Variants in RERE observed in about 807,000 individuals in gnomAD.
RERE encodes arginine-glutamic acid dipeptide repeats protein.
In RERE, 40 loss-of-function variants were observed where a neutral mutation model predicts 146.1. That is an observed-to-expected ratio of 0.27 (90% CI 0.21 to 0.36). The LOEUF is 0.36. RERE is among the 10% of genes least tolerant of loss of function. The pLI is 1.00. For missense variants in RERE, 1,933 were observed against 2,138.7 expected (o/e 0.90, Z 1.90); for synonymous variants, 1,003 against 866.0 (o/e 1.16, Z -2.78).
At chr1:8,467,477 C>G (rs904921882) in intron 10 of RERE, among the ~76,000 whole-genome samples, 6 of 152,172 alleles carry the variant, frequency 3.9e-5, no homozygotes, top group Non-Finnish European at 5.9e-5. Flanking sequence ...CATGCAGATG[C>G]CTTCCTGGCA....
At chr1:8,432,044 T>A (rs1362445028) in intron 11 of RERE, among the ~76,000 whole-genome samples, 1 of 152,194 alleles carries the variant, frequency 6.6e-6, no homozygotes, top group African/African-American at 2.4e-5. Flanking sequence ...TGCACTGGTC[T>A]CCTCCCTGGC....
chr1:8,649,073 T>G (rs967174147), intron 2 of RERE, among the ~76,000 whole-genome samples: 2 of 151,718 alleles, frequency 1.3e-5, no homozygotes, highest in Admixed American at 1.3e-4. Context: ...CTGAAAACAG[T>G]AGAAAGAAAT....
intron 7 of RERE, among the ~76,000 whole-genome samples, chr1:8,517,711 CA>C (rs973481668): frequency 2.6e-5 from 4 of 151,912 alleles, no homozygotes; most frequent in Non-Finnish European, 5.9e-5. Flanking sequence ...AAATCTGATA[CA>C]AAAAAACCCC....
At chr1:8,793,345 T>C (rs1641403846) in intron 1 of RERE, among the ~76,000 whole-genome samples, 1 of 152,156 alleles carries the variant, frequency 6.6e-6, no homozygotes, top group South Asian at 2.1e-4. Context: ...CAGCATGTGA[T>C]ACTCTCCAAG....
At chr1:8,679,186 A>C (rs552988408) in intron 1 of RERE, among the ~76,000 whole-genome samples, 232 of 152,308 alleles carry the variant, frequency 1.5e-3, no homozygotes, top group African/African-American at 5.3e-3. Flanking sequence ...ACTCTCTTTT[A>C]ATCAACTCTA....
rs535062332 is a variant in RERE at position 8,388,609 on chromosome 1, G to A, written c.1285-22635C>T. Among the ~76,000 whole-genome samples the A allele has an allele frequency of 9.2e-5, 14 of 152,292 alleles. No homozygotes were observed. In the East Asian group the frequency reaches 1.4e-3, roughly 15 times the overall value. On this transcript the variant is annotated intron_variant, in intron 12 of 22. Coordinates refer to ENST00000400908, the MANE Select transcript of RERE (RefSeq NM_001042681.2). ...GCTGGGATTACAGGCGTGAGCCACC[G>A]CGCCCGGCCCAGTCTGTGCAATCTT...
chr1:8,656,138 C>T lies in RERE; in HGVS notation c.160G>A (p.Asp54Asn), dbSNP rs1401058740. The change falls in exon 2 of 23, where the codon GAT (aspartate) becomes AAT (asparagine). Residue 54 changes from aspartate to asparagine, a missense_variant. By Grantham distance (23) the Asp-to-Asn change is conservative (BLOSUM62 1). Transcript: ENST00000400908. ...TCATTGTCCTCGTCTTCACTGTGAT[C>T]ACTCTCAGCATAATTTTTGGCTCCT... Reference protein sequence around the residue: ...EGGAKNYAESDHSEDEDNDNN... With the variant: ...EGGAKNYAESNHSEDEDNDNN... 1.2e-5 allele frequency: 20 copies of T among 1,613,930 alleles called. No individual in the cohort carries two copies. The highest frequency in any genetic ancestry group is 1.4e-5 in the Non-Finnish European group (17 of 1,179,942).
rs1012577501 is a variant in RERE at position 8,647,491 on chromosome 1, T to C, written c.325+8482A>G. On this transcript the variant is annotated intron_variant, in intron 2 of 22. Coordinates refer to ENST00000400908, the MANE Select transcript of RERE (RefSeq NM_001042681.2). ...ATGTTACACAAAAATATTCTTGCCA[T>C]TATCAATAAAACTACCCCACCACAA... 5.9e-5 allele frequency among the ~76,000 whole-genome samples: 9 copies of C among 152,204 alleles called. No individual in the cohort carries two copies. The East Asian group carries it at 1.5e-3, about 26-fold the overall frequency.
intron 12 of RERE, among the ~76,000 whole-genome samples, chr1:8,408,829 G>C (rs564870212): frequency 2.7e-4 from 41 of 152,298 alleles, no homozygotes; most frequent in Admixed American, 2.2e-3. Flanking sequence ...CTGCGGGGAG[G>C]TGGAGGCTGG....
chr1:8,509,849 T>C (rs1337720470), intron 7 of RERE, among the ~76,000 whole-genome samples: 2 of 152,210 alleles, frequency 1.3e-5, no homozygotes, highest in African/African-American at 4.8e-5. Context: ...AGGAGGCACA[T>C]GCTCTTGTTT....
In RERE at chr1:8,364,286, T is replaced by G. The variant is rs752736619; in HGVS notation, c.1541-31A>C. ...TGAGGGAAGTGGTGGGGGCCAACCT[T>G]GGAAACCATCCCTCTCCCTGGGGAT... is the stretch of plus-strand genomic sequence containing the variant. On this transcript the variant is annotated intron_variant, in intron 14 of 22. Transcript: ENST00000400908. The surrounding 1 kb of genome is among the most constrained non-coding windows in gnomAD (Gnocchi z 5.1). The G allele has an allele frequency of 5.6e-6, 9 of 1,600,422 alleles. No individual in the cohort carries two copies. In the Admixed American group the frequency reaches 1.5e-4, roughly 27 times the overall value.
intron 1 of RERE, among the ~76,000 whole-genome samples, chr1:8,775,802 A>G (rs1041891627): frequency 9.9e-5 from 15 of 152,220 alleles, no homozygotes; most frequent in African/African-American, 3.6e-4. Flanking sequence ...TGCATATATT[A>G]ACTCATTTAA....
At chr1:8,650,624 A>C (rs1647570008) in intron 2 of RERE, among the ~76,000 whole-genome samples, 1 of 152,018 alleles carries the variant, frequency 6.6e-6, no homozygotes, top group Non-Finnish European at 1.5e-5. Context: ...TTAGGCCAGG[A>C]GCAGTGGCTC....
intron 12 of RERE, among the ~76,000 whole-genome samples, chr1:8,372,162 T>C (rs1642062470): frequency 6.6e-6 from 1 of 152,144 alleles, no homozygotes; most frequent in South Asian, 2.1e-4. Flanking sequence ...GCATTTTGAC[T>C]ATAAAAGGCT....
intron 4 of RERE, among the ~76,000 whole-genome samples, chr1:8,593,974 C>G (rs1646525327): frequency 6.6e-6 from 1 of 152,134 alleles, no homozygotes; most frequent in African/African-American, 2.4e-5. Flanking sequence ...CTGAAAACAC[C>G]TCATTTTATA....
intron 11 of RERE, among the ~76,000 whole-genome samples, chr1:8,424,442 T>C (rs561897824): frequency 6.6e-6 from 1 of 152,322 alleles, no homozygotes; most frequent in South Asian, 2.1e-4. Flanking sequence ...GTTTTTGAAT[T>C]TCACCCTTGC....
chr1:8,362,663 C>T lies in RERE; in HGVS notation c.1902+20G>A, dbSNP rs761857373. 6.2e-7 allele frequency: 1 copy of T among 1,614,204 alleles called. No homozygotes were observed. Among genetic ancestry groups the T allele is most frequent in the Admixed American group, 1.7e-5 (1 of 60,028 alleles). On this transcript the variant is annotated intron_variant, in intron 16 of 22. Coordinates refer to ENST00000400908, the MANE Select transcript of RERE (RefSeq NM_001042681.2). ...TGAGGGAGGGACAGAGTAGGCCCTA[C>T]TATCCCCCCAGCACCTGACCTTGGC...
chr1:8,766,007 G>A (rs893006534), intron 1 of RERE, among the ~76,000 whole-genome samples: 7 of 152,170 alleles, frequency 4.6e-5, no homozygotes, highest in Non-Finnish European at 1.5e-5. Context: ...TAGCTACTTG[G>A]GAGGCTGAGG....
intron 7 of RERE, among the ~76,000 whole-genome samples, chr1:8,510,231 T>C (rs1408652626): frequency 6.6e-6 from 1 of 151,572 alleles, no homozygotes; most frequent in Non-Finnish European, 1.5e-5. Flanking sequence ...ATAAGACACT[T>C]CAAAAGACAC....
Sources: gnomAD v4.1 joint callset for allele counts (sites outside exome capture counted in the v4.1 genomes callset) on GRCh38, gnomAD v4.1.1 for gene constraint, Gnocchi (gnomAD v3.1) non-coding constraint, MANE v1.5 for transcripts, NCBI Gene and HGNC (gene_info 2026-07-23, HGNC 2026-07-21) for gene names.